Variants in ACER3 observed in about 807,000 individuals in gnomAD.
The protein encoded by ACER3 is alkCDase 3.
In ACER3, 16 loss-of-function variants were observed where a neutral mutation model predicts 48.9. That is an observed-to-expected ratio of 0.33 (90% CI 0.22 to 0.50). The LOEUF is 0.50. ACER3 is among the 20% of genes least tolerant of loss of function. The pLI, the probability that ACER3 is intolerant of heterozygous loss-of-function variation, is 0.98. For synonymous variants in ACER3, 109 were observed against 107.8 expected (o/e 1.01, Z -0.07); for missense variants, 227 against 326.0 (o/e 0.70, Z 2.34).
intron 1 of ACER3, among the ~76,000 whole-genome samples, chr11:76,907,892 G>A (rs755914421): frequency 2.1e-4 from 32 of 151,280 alleles, no homozygotes; most frequent in Admixed American, 1.3e-3. Context: ...ATAAAAATAA[G>A]CCAATAAGTT....
At chr11:76,953,629 C>A (rs947398708) in intron 2 of ACER3, among the ~76,000 whole-genome samples, 2 of 151,878 alleles carry the variant, frequency 1.3e-5, no homozygotes, top group African/African-American at 4.8e-5. Flanking sequence ...CAGAAAACTT[C>A]TATTTGTATA....
chr11:76,889,126 T>C (rs1195969960), intron 1 of ACER3, among the ~76,000 whole-genome samples: 3 of 152,156 alleles, frequency 2.0e-5, no homozygotes, highest in Admixed American at 2.0e-4. Flanking sequence ...TTTCCTATCC[T>C]TGTGTGGTCC....
At chr11:76,886,396 T>C (rs1356375501) in intron 1 of ACER3, among the ~76,000 whole-genome samples, 1 of 152,188 alleles carries the variant, frequency 6.6e-6, no homozygotes, top group East Asian at 1.9e-4. Context: ...TTGAAAGCCT[T>C]TGGAGTGTTT....
At chr11:76,933,162 T>C (rs1002908175) in intron 2 of ACER3, among the ~76,000 whole-genome samples, 1 of 103,212 alleles carries the variant, frequency 9.7e-6, no homozygotes, top group Non-Finnish European at 2.1e-5. Flanking sequence ...TCCCCAAATA[T>C]ATACGTATTT....
At chr11:76,907,445 A>G (rs1946263680) in intron 1 of ACER3, among the ~76,000 whole-genome samples, 1 of 152,186 alleles carries the variant, frequency 6.6e-6, no homozygotes, top group African/African-American at 2.4e-5. Context: ...TATTGTTTCC[A>G]ATAAGGATGA....
At chr11:76,998,887 G>A in intron 7 of ACER3, 66 bp downstream of exon 7, 1 of 1,284,920 alleles carries the variant, frequency 7.8e-7, no homozygotes, top group Non-Finnish European at 1.1e-6. Context: ...TAAATCTATA[G>A]CCTAAATCAA....
In ACER3 at chr11:76,976,301, C is replaced by T; in HGVS notation, c.280C>T (p.Leu94Phe). ...LKYEMQLLDE[L>F]PMIYSCCIFV... ...TTGTTTCTTACAGCTATTGGATGAA[C>T]TCCCAATGATATACAGCTGTTGCAT... Residue 94 changes from leucine to phenylalanine, a missense_variant, in exon 4 of 11, where the codon CTC becomes TTC. Around this residue, in one of 3 missense-constraint regions of ACER3, gnomAD observed 195 missense variants for 290.8 expected, o/e 0.67. Transcript: ENST00000532485. 6.2e-7 allele frequency: 1 copy of T among 1,605,596 alleles called. No individual in the cohort carries two copies. The highest frequency in any genetic ancestry group is 1.1e-5 in the South Asian group (1 of 90,132).
intron 7 of ACER3, among the ~76,000 whole-genome samples, chr11:77,009,963 C>T (rs1949227331): frequency 6.6e-6 from 1 of 152,022 alleles, no homozygotes; most frequent in East Asian, 1.9e-4. Context: ...TCCTCATCAC[C>T]ATACACACAC....
chr11:76,974,475 A>G (rs1160671964), intron 3 of ACER3, among the ~76,000 whole-genome samples: 1 of 152,194 alleles, frequency 6.6e-6, no homozygotes, highest in Non-Finnish European at 1.5e-5. Context: ...TTTAGTGTGT[A>G]CCATTAACTT....
At position 76,949,332 on chromosome 11, in the gene ACER3, G is replaced by A. The variant is rs1285680410; in HGVS notation, c.215-9647G>A. On this transcript the variant is annotated intron_variant, in intron 2 of 10. Coordinates refer to ENST00000532485, the MANE Select transcript of ACER3 (RefSeq NM_018367.7). ...TTTGGACATGACCATATGGGGAAACGTATCCCTATTACTTATTTTGTGGAG... is the reference window on the plus strand; with the variant it reads ...TTTGGACATGACCATATGGGGAAACATATCCCTATTACTTATTTTGTGGAG... Among the ~76,000 whole-genome samples, 7 of 152,076 alleles carry A rather than the reference G, an allele frequency of 4.6e-5. No individual in the cohort carries two copies. In the East Asian group the frequency reaches 5.8e-4, roughly 13 times the overall value.
intron 1 of ACER3, among the ~76,000 whole-genome samples, chr11:76,872,905 C>CTTTTCT (rs1945278477): frequency 4.2e-5 from 4 of 94,574 alleles, no homozygotes; most frequent in African/African-American, 1.3e-4. Flanking sequence ...TTTCTTTTTT[C>CTTTTCT]TTTTTCTTTT....
At chr11:76,875,544 T>C (rs953040200) in intron 1 of ACER3, among the ~76,000 whole-genome samples, 1 of 152,160 alleles carries the variant, frequency 6.6e-6, no homozygotes, top group Non-Finnish European at 1.5e-5. Context: ...TTTTATCACA[T>C]ACCGATTCAT....
chr11:77,010,431 CA>C (rs34446950), intron 7 of ACER3, among the ~76,000 whole-genome samples: 42,723 of 98,894 alleles, frequency 0.43, 7,172 homozygotes, highest in African/African-American at 0.6. Flanking sequence ...GAGTATAGGA[CA>C]AAAAAAAAAA....
intron 9 of ACER3, chr11:77,019,458 C>CAA: frequency 3.3e-6 from 1 of 302,748 alleles, no homozygotes; most frequent in East Asian, 7.0e-5. Flanking sequence ...GACTCCATCT[C>CAA]AAAAAAAAAG....
chr11:76,883,005 G>A (rs1185554445), intron 1 of ACER3, among the ~76,000 whole-genome samples: 1 of 151,896 alleles, frequency 6.6e-6, no homozygotes, highest in Non-Finnish European at 1.5e-5. Context: ...TCTGGCTTCA[G>A]TGTTCTGGTT....
chr11:76,977,275 A>T (rs962306298), intron 4 of ACER3, among the ~76,000 whole-genome samples: 1 of 152,242 alleles, frequency 6.6e-6, no homozygotes, highest in Non-Finnish European at 1.5e-5. Flanking sequence ...TACAATGATC[A>T]CAATTCCTCT....
intron 3 of ACER3, 178 bp downstream of exon 3, chr11:76,959,209 A>C: frequency 6.7e-7 from 1 of 1,488,312 alleles, no homozygotes; most frequent in Non-Finnish European, 8.9e-7. Context: ...AGGTGAGTCC[A>C]TAAGGAAAAC....
At chr11:77,004,901 T>C (rs566142491) in intron 7 of ACER3, among the ~76,000 whole-genome samples, 2 of 152,274 alleles carry the variant, frequency 1.3e-5, no homozygotes, top group East Asian at 3.9e-4. Context: ...AATTGGTGTA[T>C]TTAGATCATT....
chr11:76,918,805 A>G (rs1298569295), intron 1 of ACER3, among the ~76,000 whole-genome samples: 1 of 152,322 alleles, frequency 6.6e-6, no homozygotes, highest in Non-Finnish European at 1.5e-5. Context: ...TAAGTTGCCT[A>G]AGTTCACACA....
Sources: allele counts gnomAD v4.1 joint callset (sites outside exome capture counted in the v4.1 genomes callset), GRCh38; gene constraint gnomAD v4.1.1; regional missense constraint gnomAD v4.1.1; transcripts MANE v1.5; gene names NCBI Gene and HGNC (gene_info 2026-07-23, HGNC 2026-07-21).